The following GPC5 variants were observed in gnomAD, a reference collection of about 807,000 sequenced individuals.
GPC5 encodes glypican-5.
Under a neutral mutation model 53.9 loss-of-function variants are expected in GPC5, and 47 were observed. The ratio of observed to expected loss-of-function variants is 0.87; its 90% CI spans 0.69 to 1.11. The LOEUF (loss-of-function observed/expected upper bound fraction) is 1.11. GPC5 is among the 50% of genes most tolerant of loss of function. GPC5 has a pLI of 0.00. For missense variants in GPC5, 748 were observed against 713.1 expected (o/e 1.05, Z -0.56); for synonymous variants, 286 against 263.3 (o/e 1.09, Z -0.84).
intron 7 of GPC5, among the ~76,000 whole-genome samples, chr13:92,557,097 G>C (rs1451097744): frequency 6.7e-6 from 1 of 149,034 alleles, no homozygotes; most frequent in East Asian, 2.0e-4. Context: ...GGATCTCTGA[G>C]AGAAAAAAAA....
chr13:91,432,130 G>A (rs991021741), intron 1 of GPC5, among the ~76,000 whole-genome samples: 2 of 151,742 alleles, frequency 1.3e-5, no homozygotes, highest in Admixed American at 1.3e-4. Flanking sequence ...AAACTTAGGG[G>A]ATGAGACTGC....
chr13:92,657,693 G>A (rs1262071161), intron 7 of GPC5, among the ~76,000 whole-genome samples: 1 of 143,806 alleles, frequency 7.0e-6, no homozygotes, highest in Non-Finnish European at 1.5e-5. Flanking sequence ...ATCAACATTA[G>A]TAACCTCAAT....
chr13:91,651,642 C>T (rs900786218), intron 2 of GPC5, among the ~76,000 whole-genome samples: 4 of 149,916 alleles, frequency 2.7e-5, no homozygotes, highest in South Asian at 2.1e-4. Context: ...TGCTTGAACC[C>T]GGGAGGCGGA....
intron 7 of GPC5, among the ~76,000 whole-genome samples, chr13:92,354,222 T>C (rs1226403967): frequency 1.3e-5 from 2 of 152,236 alleles, no homozygotes; most frequent in Non-Finnish European, 2.9e-5. Flanking sequence ...CAAGTTGTAC[T>C]GATATACTTT....
At chr13:92,663,653 T>TATATATATATACTATATATACA (rs1566350637) in intron 7 of GPC5, among the ~76,000 whole-genome samples, 2 of 130,372 alleles carry the variant, frequency 1.5e-5, no homozygotes, top group African/African-American at 6.3e-5. Context: ...ATATATATAC[T>TATATATATATACTATATATACA]ATATATATAT....
chr13:92,741,586 A>G (rs778892672), intron 7 of GPC5, among the ~76,000 whole-genome samples: 27 of 151,768 alleles, frequency 1.8e-4, no homozygotes, highest in Non-Finnish European at 3.1e-4. Context: ...AAGCTAAAAT[A>G]TTTTTTGTTT....
intron 7 of GPC5, among the ~76,000 whole-genome samples, chr13:92,739,147 T>A (rs1001710476): frequency 6.6e-6 from 1 of 152,124 alleles, no homozygotes; most frequent in African/African-American, 2.4e-5. Context: ...ATGTCTTTCT[T>A]ATTTATATAT....
chr13:92,430,154 G>T (rs78801856), intron 7 of GPC5, among the ~76,000 whole-genome samples: 1,732 of 151,942 alleles, frequency 0.011, 37 homozygotes, highest in African/African-American at 0.039. Flanking sequence ...TGCTTATATA[G>T]CTCCCTGAGA....
At chr13:92,051,502 G>C (rs959100285) in intron 6 of GPC5, among the ~76,000 whole-genome samples, 1 of 151,714 alleles carries the variant, frequency 6.6e-6, no homozygotes, top group African/African-American at 2.4e-5. Context: ...ACCCGGACGA[G>C]ACTGCATTTC....
chr13:92,214,834 G>T (rs112114557), intron 7 of GPC5, among the ~76,000 whole-genome samples: 2 of 152,186 alleles, frequency 1.3e-5, no homozygotes, highest in African/African-American at 4.8e-5. Context: ...TTACAATGTG[G>T]GAGAGAGAGA....
At chr13:92,684,758 G>T (rs1887209585) in intron 7 of GPC5, among the ~76,000 whole-genome samples, 2 of 152,162 alleles carry the variant, frequency 1.3e-5, no homozygotes, top group South Asian at 2.1e-4. Flanking sequence ...AAATACCAAG[G>T]AGCATAATTA....
At chr13:92,609,734 A>G (rs1884372075) in intron 7 of GPC5, among the ~76,000 whole-genome samples, 1 of 152,166 alleles carries the variant, frequency 6.6e-6, no homozygotes. Context: ...CCCAAGTTGT[A>G]TTAAAATTGA....
intron 7 of GPC5, among the ~76,000 whole-genome samples, chr13:92,336,095 T>C (rs934636647): frequency 3.3e-5 from 5 of 152,298 alleles, no homozygotes; most frequent in Admixed American, 2.6e-4. Flanking sequence ...ATTGGATGTA[T>C]ATAAAAATCT....
intron 7 of GPC5, among the ~76,000 whole-genome samples, chr13:92,609,968 T>C (rs1201143443): frequency 1.4e-5 from 2 of 142,148 alleles, no homozygotes; most frequent in African/African-American, 5.2e-5. Flanking sequence ...GAGGTGGACA[T>C]TGTGGTGAGC....
At chr13:92,285,428 G>GC in intron 7 of GPC5, among the ~76,000 whole-genome samples, 1 of 152,250 alleles carries the variant, frequency 6.6e-6, no homozygotes, top group African/African-American at 2.4e-5. Context: ...AGCCCACATT[G>GC]CCAACTCAAT....
intron 7 of GPC5, among the ~76,000 whole-genome samples, chr13:92,182,059 A>C (rs2139036639): frequency 6.6e-6 from 1 of 152,304 alleles, no homozygotes; most frequent in Non-Finnish European, 1.5e-5. Context: ...TAAAATAGCC[A>C]TTCATTTAAC....
intron 7 of GPC5, among the ~76,000 whole-genome samples, chr13:92,536,690 C>T (rs1304364743): frequency 6.6e-6 from 1 of 152,038 alleles, no homozygotes; most frequent in Non-Finnish European, 1.5e-5. Context: ...GGCATATCTA[C>T]AAATATAGCC....
chr13:91,939,186 T>C (rs1242512371), intron 6 of GPC5, among the ~76,000 whole-genome samples: 4 of 152,082 alleles, frequency 2.6e-5, no homozygotes, highest in African/African-American at 7.2e-5. Flanking sequence ...TGTAAAAAAA[T>C]TATCCATCTT....
intron 2 of GPC5, among the ~76,000 whole-genome samples, chr13:91,489,987 C>T (rs1240219566): frequency 6.6e-6 from 1 of 152,226 alleles, no homozygotes; most frequent in Non-Finnish European, 1.5e-5. Flanking sequence ...GAGTGAGTCA[C>T]CTAGGTTGCA....
Sources: allele counts gnomAD v4.1 joint callset (sites outside exome capture counted in the v4.1 genomes callset), GRCh38; gene constraint gnomAD v4.1.1; transcripts MANE v1.5; gene names NCBI Gene and HGNC (gene_info 2026-07-23, HGNC 2026-07-21).